PRKCB: variants seen among roughly 807,000 people sequenced by gnomAD.
PRKCB encodes the protein protein kinase C beta, also known as protein kinase C beta type.
A neutral mutation model predicts 81.5 loss-of-function variants in PRKCB; 13 were observed. That is an observed-to-expected ratio of 0.16 (90% CI 0.10 to 0.25). PRKCB has a LOEUF of 0.25. PRKCB is among the 10% of genes least tolerant of loss of function. The pLI, the probability that PRKCB is intolerant of heterozygous loss-of-function variation, is 1.00. For missense variants in PRKCB, 509 were observed against 875.7 expected, an observed-to-expected ratio of 0.58 and a Z score of 5.29; for synonymous variants, 335 against 321.4, an observed-to-expected ratio of 1.04 and a Z score of -0.45.
At chr16:23,920,148 C>T (rs1296706887) in intron 2 of PRKCB, among the ~76,000 whole-genome samples, 1 of 152,200 alleles carries the variant, frequency 6.6e-6, no homozygotes, top group Non-Finnish European at 1.5e-5. Flanking sequence ...ACATCCTCAC[C>T]AGCACATGTT....
Position 24,123,934 on chromosome 16 carries a change from A to C in PRKCB, c.1018A>C (p.Thr340Pro), listed in dbSNP as rs776981512. Reference protein sequence around the residue: ...NNGNRDRMKLTDFNFLMVLGK... With the variant: ...NNGNRDRMKLPDFNFLMVLGK... ...TGGCAACAGAGACCGGATGAAACTG[A>C]CCGATTTTAACTTCCTAATGGTGCT... Residue 340 changes from threonine (T) to proline (P), a missense_variant, in exon 9 of 17, where the codon ACC becomes CCC. Physicochemically the swap from Thr to Pro is conservative, Grantham distance 38. This residue lies in a region of PRKCB where 80 missense variants were observed against 89.4 expected (regional missense o/e 0.90). Coordinates refer to ENST00000643927, the MANE Select transcript of PRKCB (RefSeq NM_002738.7). 1.9e-6 allele frequency: 3 copies of C among 1,614,164 alleles called. No individual in the cohort carries two copies. The Admixed American group carries it at 5.0e-5, about 27-fold the overall frequency.
chr16:23,893,853 A>G (rs1219405822), intron 2 of PRKCB: 1 of 152,276 alleles, frequency 6.6e-6, no homozygotes, highest in Admixed American at 6.5e-5. Context: ...GTTACAAATA[A>G]TATAGTTGTA....
chr16:24,096,664 A>ATATATATATATATATATATAT (rs1260873156), intron 7 of PRKCB, among the ~76,000 whole-genome samples: 2 of 85,402 alleles, frequency 2.3e-5, no homozygotes, highest in East Asian at 4.1e-4. Flanking sequence ...AAAAAAAAAA[A>ATATATATATATATATATATAT]AAATATATAT....
chr16:23,850,727 C>T (rs1341368175), intron 2 of PRKCB, among the ~76,000 whole-genome samples: 1 of 152,148 alleles, frequency 6.6e-6, no homozygotes, highest in African/African-American at 2.4e-5. Context: ...GCTATACTAA[C>T]TTACATTCCC....
At chr16:23,855,556 C>G (rs1438532280) in intron 2 of PRKCB, among the ~76,000 whole-genome samples, 1 of 152,182 alleles carries the variant, frequency 6.6e-6, no homozygotes, top group African/African-American at 2.4e-5. Context: ...GTCCTAAAGA[C>G]CTCATCTTTA....
intron 15 of PRKCB, among the ~76,000 whole-genome samples, chr16:24,188,282 G>C (rs985011189): frequency 2.6e-5 from 4 of 152,176 alleles, no homozygotes; most frequent in Non-Finnish European, 4.4e-5. Context: ...CCAAAAACGA[G>C]TGATGCTCAA....
intron 10 of PRKCB, among the ~76,000 whole-genome samples, chr16:24,157,188 A>G (rs1381387356): frequency 2.0e-5 from 3 of 152,160 alleles, no homozygotes; most frequent in African/African-American, 4.8e-5. Flanking sequence ...AGGGATTGTC[A>G]TGTGCCAGGG....
intron 8 of PRKCB, among the ~76,000 whole-genome samples, chr16:24,122,362 A>G (rs1596557574): frequency 6.6e-6 from 1 of 150,636 alleles, no homozygotes; most frequent in Non-Finnish European, 1.5e-5. Context: ...ATGGGATGGT[A>G]TATATATTGG....
At chr16:24,118,436 G>T (rs1337588260) in intron 8 of PRKCB, among the ~76,000 whole-genome samples, 1 of 152,248 alleles carries the variant, frequency 6.6e-6, no homozygotes, top group Admixed American at 6.5e-5. Context: ...GCTGCTTGGA[G>T]GTTAGGGAAA....
At chr16:24,150,720 A>G (rs139848663) in intron 9 of PRKCB, among the ~76,000 whole-genome samples, 1 of 152,260 alleles carries the variant, frequency 6.6e-6, no homozygotes, top group Non-Finnish European at 1.5e-5. Context: ...TGTTGTAAAT[A>G]AAGTTTTATT....
At chr16:24,172,475 T>A in intron 11 of PRKCB, 114 bp downstream of exon 11, 1 of 784,542 alleles carries the variant, frequency 1.3e-6, no homozygotes, top group Non-Finnish European at 2.1e-6. Context: ...GGCATCTTTT[T>A]GAAAAAATAT....
At chr16:24,171,173 T>C (rs897530307) in intron 10 of PRKCB, among the ~76,000 whole-genome samples, 2 of 152,342 alleles carry the variant, frequency 1.3e-5, no homozygotes, top group Non-Finnish European at 2.9e-5. Flanking sequence ...GCTCTGGGTC[T>C]CAAAGGAAGC....
chr16:24,193,480 T>TAAATA (rs1567408578), intron 16 of PRKCB, among the ~76,000 whole-genome samples: 2 of 149,300 alleles, frequency 1.3e-5, no homozygotes, highest in African/African-American at 2.5e-5. Flanking sequence ...AATAAATAAA[T>TAAATA]AAATAAATAA....
chr16:23,904,465 C>A (rs542628225), intron 2 of PRKCB, among the ~76,000 whole-genome samples: 1 of 152,260 alleles, frequency 6.6e-6, no homozygotes, highest in Admixed American at 6.5e-5. Flanking sequence ...GAGTTCAAGA[C>A]CAGCCTGGCC....
chr16:23,981,725 TCCCTTC>T (rs1567333468), intron 2 of PRKCB, among the ~76,000 whole-genome samples: 4 of 56,700 alleles, frequency 7.1e-5, no homozygotes, highest in Admixed American at 2.4e-4. Context: ...CCCTTCCCCT[TCCCTTC>T]CCCTTCCCTT....
intron 16 of PRKCB, among the ~76,000 whole-genome samples, chr16:24,198,194 C>T (rs1047049833): frequency 3.3e-5 from 5 of 152,222 alleles, no homozygotes; most frequent in Non-Finnish European, 5.9e-5. Flanking sequence ...GTACATGGAG[C>T]TATAATGTCA....
chr16:24,172,393 T>C (rs1967455947), intron 11 of PRKCB, 32 bp downstream of exon 11: 1 of 1,580,632 alleles, frequency 6.3e-7, no homozygotes, highest in Non-Finnish European at 8.7e-7. Context: ...GCTTTCTCCT[T>C]GGGATAAATG....
intron 2 of PRKCB, among the ~76,000 whole-genome samples, chr16:23,984,049 A>G (rs1223101573): frequency 6.6e-6 from 1 of 152,208 alleles, no homozygotes; most frequent in Non-Finnish European, 1.5e-5. Flanking sequence ...TGATACAATG[A>G]TGGGACTAAA....
chr16:24,162,442 CTTTTTTTTTTT>C (rs564543744), intron 10 of PRKCB, among the ~76,000 whole-genome samples: 1 of 68,602 alleles, frequency 1.5e-5, no homozygotes, highest in East Asian at 3.8e-4. Flanking sequence ...ACAGAGAAGA[CTTTTTTTTTTT>C]TTTTTTTTTT....
Sources: allele counts gnomAD v4.1 joint callset (sites outside exome capture counted in the v4.1 genomes callset), GRCh38; gene constraint gnomAD v4.1.1; regional missense constraint gnomAD v4.1.1; transcripts MANE v1.5; gene names NCBI Gene and HGNC (gene_info 2026-07-23, HGNC 2026-07-21).